The following EYS variants were observed in gnomAD, a reference collection of about 807,000 sequenced individuals.
EYS encodes EGF-like photoreceptor maintenance factor.
A neutral mutation model predicts 282.1 loss-of-function variants in EYS; 250 were observed. That is an observed-to-expected ratio of 0.89 (90% CI 0.80 to 0.98). EYS has a LOEUF of 0.98. EYS is among the 50% of genes least tolerant of loss of function. The probability of loss-of-function intolerance (pLI) is 0.00; values close to 1 mark genes in which losing one functional copy is unlikely to be tolerated. For missense variants in EYS, 4,016 were observed against 3,709.0 expected (o/e 1.08, Z -2.15); for synonymous variants, 1,355 against 1,282.9 (o/e 1.06, Z -1.20).
chr6:64,781,236 G>A (rs533408892), intron 22 of EYS, among the ~76,000 whole-genome samples: 8 of 151,286 alleles, frequency 5.3e-5, no homozygotes, highest in African/African-American at 1.7e-4. Flanking sequence ...CCCAAATATC[G>A]CATGTGTCTT....
At chr6:64,628,566 C>T (rs141875078) in intron 22 of EYS, among the ~76,000 whole-genome samples, 163 of 152,168 alleles carry the variant, frequency 1.1e-3, no homozygotes, top group African/African-American at 3.6e-3. Flanking sequence ...CACCATCACA[C>T]CTGCCTAATT....
At chr6:64,552,225 A>G (rs1459738107) in intron 26 of EYS, among the ~76,000 whole-genome samples, 2 of 152,228 alleles carry the variant, frequency 1.3e-5, no homozygotes, top group African/African-American at 4.8e-5. Flanking sequence ...TAAGACGGAC[A>G]GAACAGACTC....
At chr6:65,637,422 C>CATG (rs749846882) in intron 2 of EYS, among the ~76,000 whole-genome samples, 4 of 152,196 alleles carry the variant, frequency 2.6e-5, no homozygotes, top group African/African-American at 4.8e-5. Context: ...GGTTGCACAG[C>CATG]ATGAGACATG....
At chr6:64,381,615 T>C (rs1772751152) in intron 29 of EYS, among the ~76,000 whole-genome samples, 1 of 152,240 alleles carries the variant, frequency 6.6e-6, no homozygotes, top group African/African-American at 2.4e-5. Context: ...TTGTTTTTAC[T>C]TTTTATATTA....
intron 26 of EYS, among the ~76,000 whole-genome samples, chr6:64,449,756 A>G (rs1420112467): frequency 6.6e-6 from 1 of 152,202 alleles, no homozygotes; most frequent in African/African-American, 2.4e-5. Context: ...CAGCCAAACT[A>G]AGCTTCATAA....
chr6:65,384,933 G>A (rs1051918239), intron 7 of EYS, among the ~76,000 whole-genome samples: 2 of 151,756 alleles, frequency 1.3e-5, no homozygotes, highest in Non-Finnish European at 2.9e-5. Flanking sequence ...GGATGATAAC[G>A]GTCTAGTTAT....
intron 12 of EYS, among the ~76,000 whole-genome samples, chr6:65,130,399 A>C (rs151250326): frequency 0.012 from 1,859 of 152,108 alleles, 47 homozygotes; most frequent in African/African-American, 0.042. Context: ...ATTTAATAAC[A>C]ATGGGAAAAT....
At chr6:65,556,555 A>C (rs1272071171) in intron 2 of EYS, among the ~76,000 whole-genome samples, 2 of 152,196 alleles carry the variant, frequency 1.3e-5, no homozygotes, top group African/African-American at 4.8e-5. Context: ...ATCTTGAGGA[A>C]GATTGAGTAA....
chr6:64,182,130 A>C (rs1764804844), intron 31 of EYS, among the ~76,000 whole-genome samples: 1 of 152,140 alleles, frequency 6.6e-6, no homozygotes, highest in Non-Finnish European at 1.5e-5. Context: ...CTTTTCTTTA[A>C]AATGTTTCTA....
chr6:64,197,836 A>G (rs907846713), intron 31 of EYS, among the ~76,000 whole-genome samples: 1 of 151,516 alleles, frequency 6.6e-6, no homozygotes, highest in Non-Finnish European at 1.5e-5. Flanking sequence ...TATTTCTTAC[A>G]CATTTCAAAA....
chr6:65,422,824 A>C (rs1343983054), intron 5 of EYS, among the ~76,000 whole-genome samples: 1 of 151,766 alleles, frequency 6.6e-6, no homozygotes, highest in African/African-American at 2.4e-5. Flanking sequence ...ATATATATAC[A>C]TATATACACA....
At chr6:65,643,253 G>T (rs1767339531) in intron 1 of EYS, among the ~76,000 whole-genome samples, 1 of 152,134 alleles carries the variant, frequency 6.6e-6, no homozygotes, top group South Asian at 2.1e-4. Context: ...TGAGTCCTGC[G>T]ACTGCTGACT....
intron 33 of EYS, among the ~76,000 whole-genome samples, chr6:64,037,187 G>T (rs1283205773): frequency 6.6e-6 from 1 of 152,126 alleles, no homozygotes; most frequent in Non-Finnish European, 1.5e-5. Flanking sequence ...AAAGACTAGT[G>T]ATAATGGAAG....
At chr6:65,597,415 C>A (rs1025277671) in intron 2 of EYS, among the ~76,000 whole-genome samples, 4 of 152,050 alleles carry the variant, frequency 2.6e-5, no homozygotes, top group Admixed American at 2.0e-4. Flanking sequence ...CAGGAACCAC[C>A]TTTAGCCACT....
chr6:64,427,692 C>T (rs1774452891), intron 28 of EYS, among the ~76,000 whole-genome samples: 1 of 152,000 alleles, frequency 6.6e-6, no homozygotes, highest in South Asian at 2.1e-4. Flanking sequence ...ACTTTTGATT[C>T]TGAAGTCATC....
chr6:63,736,286 G>A (rs1387306895), intron 41 of EYS, among the ~76,000 whole-genome samples: 3 of 152,184 alleles, frequency 2.0e-5, no homozygotes. Flanking sequence ...AAGTGATCCA[G>A]TTTCAGCTTT....
chr6:64,164,755 A>G (rs115897439), intron 31 of EYS, among the ~76,000 whole-genome samples: 4,414 of 152,246 alleles, frequency 0.029, 68 homozygotes, highest in Non-Finnish European at 0.046. Flanking sequence ...GAACAACAAT[A>G]TATTTTGATT....
At chr6:65,141,005 G>T (rs1274533183) in intron 12 of EYS, among the ~76,000 whole-genome samples, 2 of 151,740 alleles carry the variant, frequency 1.3e-5, no homozygotes, top group Non-Finnish European at 2.9e-5. Context: ...TAGACCCAAA[G>T]GACTATAAAT....
intron 31 of EYS, among the ~76,000 whole-genome samples, chr6:64,224,561 G>C (rs114548481): frequency 1.3e-5 from 2 of 151,826 alleles, no homozygotes; most frequent in African/African-American, 4.8e-5. Context: ...GTTCATTCTG[G>C]TTTCTTTTAA....
Sources: allele counts gnomAD v4.1 joint callset (sites outside exome capture counted in the v4.1 genomes callset), GRCh38; gene constraint gnomAD v4.1.1; transcripts MANE v1.5; gene names NCBI Gene and HGNC (gene_info 2026-07-23, HGNC 2026-07-21).